The following SPOCK1 variants were observed in gnomAD, a reference collection of about 807,000 sequenced individuals.
SPOCK1 encodes SPARC (osteonectin), cwcv and kazal like domains proteoglycan 1.
SPOCK1 carries 23 observed loss-of-function variants against 55.3 expected under a neutral mutation model. The ratio of observed to expected loss-of-function variants is 0.42; its 90% CI spans 0.30 to 0.59. SPOCK1 has a LOEUF of 0.59. Ranked by LOEUF, SPOCK1 falls within the 20% of genes least tolerant of loss-of-function variation. SPOCK1 has a pLI of 0.22. For missense variants in SPOCK1, 499 were observed against 552.5 expected (o/e 0.90, Z 0.97); for synonymous variants, 226 against 221.0 (o/e 1.02, Z -0.20).
In SPOCK1 at chr5:137,161,447, G is replaced by A. The variant is rs151162680; in HGVS notation, c.233-20753C>T. Among the ~76,000 whole-genome samples, 1,049 of 152,102 alleles carry A rather than the reference G, an allele frequency of 6.9e-3. 4 individuals are homozygous for A. The highest frequency in any genetic ancestry group is 0.012 in the Non-Finnish European group (813 of 67,994). On this transcript the variant is annotated intron_variant, in intron 3 of 10. Coordinates refer to ENST00000394945, the MANE Select transcript of SPOCK1 (RefSeq NM_004598.4). ...CCAGGTAAGGCTGACTACCTTGCCT[G>A]CCAACATGACCCCACACTTGGGTTT...
At chr5:137,215,390 C>T (rs945362558) in intron 3 of SPOCK1, among the ~76,000 whole-genome samples, 2 of 151,886 alleles carry the variant, frequency 1.3e-5, no homozygotes, top group Non-Finnish European at 1.5e-5. Flanking sequence ...CAGATTTTTC[C>T]CTCCCACCTA....
intron 2 of SPOCK1, among the ~76,000 whole-genome samples, chr5:137,448,952 G>T (rs1357740519): frequency 6.6e-6 from 1 of 152,174 alleles, no homozygotes; most frequent in Non-Finnish European, 1.5e-5. Flanking sequence ...TGATTTCCAC[G>T]GAGTTGTCAG....
At chr5:137,380,891 T>C (rs1751450320) in intron 2 of SPOCK1, among the ~76,000 whole-genome samples, 1 of 152,122 alleles carries the variant, frequency 6.6e-6, no homozygotes, top group Non-Finnish European at 1.5e-5. Context: ...CAAGCTACAT[T>C]GCAAAATACA....
intron 3 of SPOCK1, among the ~76,000 whole-genome samples, chr5:137,194,948 C>G (rs1194484163): frequency 6.6e-6 from 1 of 152,188 alleles, no homozygotes; most frequent in East Asian, 1.9e-4. Flanking sequence ...ACAGGTTTAA[C>G]CACAATGAAA....
At chr5:137,334,135 G>A (rs898681248) in intron 2 of SPOCK1, among the ~76,000 whole-genome samples, 4 of 152,098 alleles carry the variant, frequency 2.6e-5, no homozygotes, top group Admixed American at 6.6e-5. Flanking sequence ...TACAAAATTC[G>A]CTGTCTTCAC....
chr5:137,430,990 A>T (rs1580923214), intron 2 of SPOCK1, among the ~76,000 whole-genome samples: 1 of 152,212 alleles, frequency 6.6e-6, no homozygotes, highest in African/African-American at 2.4e-5. Flanking sequence ...TTATAAAGAC[A>T]GTCCAAGCTA....
intron 6 of SPOCK1, 96 bp downstream of exon 6, chr5:137,067,619 G>C (rs1222704214): frequency 9.5e-7 from 1 of 1,053,386 alleles, no homozygotes; most frequent in Admixed American, 2.0e-5. Flanking sequence ...CATTTCTCCA[G>C]TTTGTTCCTA....
chr5:137,353,923 C>T (rs192520094), intron 2 of SPOCK1, among the ~76,000 whole-genome samples: 2 of 152,188 alleles, frequency 1.3e-5, no homozygotes, highest in African/African-American at 4.8e-5. Context: ...GCCTCCCCAG[C>T]ACCACATGAC....
intron 2 of SPOCK1, among the ~76,000 whole-genome samples, chr5:137,339,475 C>T (rs1398386671): frequency 6.6e-6 from 1 of 152,162 alleles, no homozygotes; most frequent in Non-Finnish European, 1.5e-5. Flanking sequence ...GGACAGCCTG[C>T]CCAAGAACAG....
intron 9 of SPOCK1, among the ~76,000 whole-genome samples, chr5:136,980,802 A>C (rs1023301706): frequency 1.8e-4 from 28 of 152,314 alleles, no homozygotes; most frequent in South Asian, 4.1e-4. Context: ...CTAATTCATA[A>C]AATGATTCAG....
intron 6 of SPOCK1, among the ~76,000 whole-genome samples, chr5:137,043,350 T>A (rs1752037584): frequency 6.6e-6 from 1 of 152,206 alleles, no homozygotes; most frequent in East Asian, 1.9e-4. Flanking sequence ...AAATCTCTCA[T>A]GTAAAATATT....
intron 4 of SPOCK1, among the ~76,000 whole-genome samples, chr5:137,140,147 T>C (rs1042848128): frequency 2.6e-5 from 4 of 152,102 alleles, no homozygotes; most frequent in Admixed American, 6.5e-5. Flanking sequence ...AATGGGGACA[T>C]GGAAGCAGAG....
chr5:137,185,540 T>C (rs548927091), intron 3 of SPOCK1, among the ~76,000 whole-genome samples: 18 of 152,378 alleles, frequency 1.2e-4, no homozygotes, highest in African/African-American at 4.3e-4. Flanking sequence ...GCTACACTTG[T>C]ATGACTTTAA....
At chr5:137,455,148 C>T (rs1264392162) in intron 2 of SPOCK1, among the ~76,000 whole-genome samples, 1 of 152,126 alleles carries the variant, frequency 6.6e-6, no homozygotes, top group Non-Finnish European at 1.5e-5. Flanking sequence ...GACTTTGTAC[C>T]TTACACAAGA....
intron 2 of SPOCK1, among the ~76,000 whole-genome samples, chr5:137,300,073 C>T (rs934534982): frequency 9.9e-5 from 15 of 152,116 alleles, no homozygotes; most frequent in African/African-American, 3.6e-4. Flanking sequence ...GACCCTGATA[C>T]TCTGTTGACT....
At chr5:137,033,085 G>A (rs10079336) in intron 6 of SPOCK1, among the ~76,000 whole-genome samples, 4,691 of 152,298 alleles carry the variant, frequency 0.031, 201 homozygotes, top group African/African-American at 0.092. Context: ...TCAGGGTCAG[G>A]AAGTGAGCTC....
chr5:137,190,734 C>T (rs1755165151), intron 3 of SPOCK1, among the ~76,000 whole-genome samples: 1 of 152,278 alleles, frequency 6.6e-6, no homozygotes, highest in East Asian at 1.9e-4. Flanking sequence ...GCCTTCAGGT[C>T]CTTCAGGTCA....
Position 137,480,197 on chromosome 5 carries a change from G to A in SPOCK1, c.186+18176C>T, listed in dbSNP as rs1428587087. 2.6e-5 allele frequency among the ~76,000 whole-genome samples: 4 copies of A among 152,042 alleles called. No homozygotes were observed. The East Asian group carries it at 5.8e-4, about 22-fold the overall frequency. ...CAAAACTGCCTCATGTTTATTTCCC[G>A]AACTGAAATTCCTTCAATACGCTGG... On this transcript the variant is annotated intron_variant, in intron 2 of 10. Transcript: ENST00000394945.
At position 137,243,889 on chromosome 5, in the gene SPOCK1, C is replaced by G. The variant is rs199736284; in HGVS notation, c.232+23121G>C. On this transcript the variant is annotated intron_variant, in intron 3 of 10. Transcript: ENST00000394945. ...GTTCCGCGGACTTGCATTAACAGCA[C>G]TAGCAGGGAGAGTCAGGATCTATGG... 1.5e-4 allele frequency among the ~76,000 whole-genome samples: 23 copies of G among 152,224 alleles called. No homozygotes were observed. The East Asian group carries it at 3.7e-3, about 24-fold the overall frequency.
Sources: allele counts gnomAD v4.1 joint callset (sites outside exome capture counted in the v4.1 genomes callset), GRCh38; gene constraint gnomAD v4.1.1; transcripts MANE v1.5; gene names NCBI Gene and HGNC (gene_info 2026-07-23, HGNC 2026-07-21).